ZNF618: variants seen among roughly 807,000 people sequenced by gnomAD.
ZNF618 encodes neural precursor cell expressed, developmentally down-regulated 10.
A neutral mutation model predicts 103.0 loss-of-function variants in ZNF618; 34 were observed. The observed-to-expected ratio is 0.33, with a 90% confidence interval of 0.25 to 0.44. The LOEUF (loss-of-function observed/expected upper bound fraction) is 0.44. ZNF618 is among the 20% of genes least tolerant of loss of function. The pLI is 1.00. For missense variants in ZNF618, 1,059 were observed against 1,295.4 expected (o/e 0.82, Z 2.80); for synonymous variants, 551 against 542.2 (o/e 1.02, Z -0.23).
At chr9:113,951,815 A>G (rs910079505) in intron 1 of ZNF618, among the ~76,000 whole-genome samples, 10 of 151,788 alleles carry the variant, frequency 6.6e-5, no homozygotes, top group African/African-American at 2.4e-4. Context: ...TCCTTTTCTT[A>G]GAAACTGGGT....
At chr9:114,041,936 C>T (rs1237464884) in intron 13 of ZNF618, among the ~76,000 whole-genome samples, 1 of 152,158 alleles carries the variant, frequency 6.6e-6, no homozygotes, top group African/African-American at 2.4e-5. Flanking sequence ...GCCATTTTCA[C>T]AATATTGATT....
chr9:113,909,789 GT>G (rs5900064), intron 1 of ZNF618, among the ~76,000 whole-genome samples: 5,294 of 142,282 alleles, frequency 0.037, 471 homozygotes, highest in East Asian at 0.29. Context: ...TTTTTTGTTT[GT>G]TTTTTTTTTT....
At chr9:113,989,439 A>G (rs10817546) in intron 3 of ZNF618, among the ~76,000 whole-genome samples, 97,593 of 152,114 alleles carry the variant, frequency 0.64, 31,696 homozygotes, top group Middle Eastern at 0.76. Flanking sequence ...CAAACAAAAC[A>G]TGTCTGTGGG....
At chr9:113,991,476 G>A (rs10759673) in intron 3 of ZNF618, among the ~76,000 whole-genome samples, 89,895 of 152,086 alleles carry the variant, frequency 0.59, 27,048 homozygotes, top group Middle Eastern at 0.73. Flanking sequence ...GGCTATCTGA[G>A]TATTCAATGA....
chr9:114,048,032 C>G (rs146111883), intron 14 of ZNF618, 38 bp downstream of exon 14: 2 of 1,511,654 alleles, frequency 1.3e-6, no homozygotes, highest in East Asian at 2.4e-5. Flanking sequence ...TGAGGGTCCC[C>G]TTATGCTCCA....
chr9:113,913,351 C>T (rs546523706), intron 1 of ZNF618, among the ~76,000 whole-genome samples: 7 of 152,340 alleles, frequency 4.6e-5, no homozygotes, highest in East Asian at 1.9e-4. Context: ...TGCGGTTGAC[C>T]GCCTTCTTCT....
intron 13 of ZNF618, among the ~76,000 whole-genome samples, chr9:114,039,356 T>TTTTTTC (rs1564336262): frequency 6.2e-5 from 9 of 144,278 alleles, no homozygotes; most frequent in South Asian, 2.2e-4. Flanking sequence ...TTTTTTTTTT[T>TTTTTTC]TTTCCTTTGA....
At chr9:113,965,323 A>G (rs1837297250) in intron 1 of ZNF618, among the ~76,000 whole-genome samples, 1 of 152,154 alleles carries the variant, frequency 6.6e-6, no homozygotes, top group African/African-American at 2.4e-5. Flanking sequence ...TTGGAATAAT[A>G]TTTTCTTTCC....
At position 113,969,083 on chromosome 9, in the gene ZNF618, T is replaced by C. The variant is rs367594231; in HGVS notation, c.34-34T>C. The C allele has an allele frequency of 2.4e-5, 38 of 1,613,656 alleles. 1 individual carries two copies. The highest frequency in any genetic ancestry group is 3.1e-5 in the Non-Finnish European group (37 of 1,179,752). Reference sequence around the variant, plus strand: ...CAGGTCAAATCTGCATCTTCTGCCTTGGCTGATGTAGGTGTTTTGGGTTTC... The same window carrying C: ...CAGGTCAAATCTGCATCTTCTGCCTCGGCTGATGTAGGTGTTTTGGGTTTC... On this transcript the variant is annotated intron_variant, in intron 1 of 14. Transcript: ENST00000374126.
At chr9:113,891,825 A>T (rs763995241) in intron 1 of ZNF618, among the ~76,000 whole-genome samples, 3 of 152,224 alleles carry the variant, frequency 2.0e-5, no homozygotes, top group Non-Finnish European at 4.4e-5. Flanking sequence ...AATGGTTAAG[A>T]TGGTAAGAGA....
intron 3 of ZNF618, among the ~76,000 whole-genome samples, chr9:113,991,664 T>G (rs1447519961): frequency 6.6e-6 from 1 of 152,212 alleles, no homozygotes; most frequent in Non-Finnish European, 1.5e-5. Context: ...GGATGGGGAA[T>G]AAAGTCGGTG....
intron 1 of ZNF618, among the ~76,000 whole-genome samples, chr9:113,944,090 C>T (rs183722810): frequency 5.7e-4 from 87 of 152,280 alleles, no homozygotes; most frequent in African/African-American, 1.8e-3. Flanking sequence ...TCGCCCTGCA[C>T]GGTTTGATCC....
chr9:113,921,424 A>C (rs1239872252), intron 1 of ZNF618, among the ~76,000 whole-genome samples: 2 of 152,230 alleles, frequency 1.3e-5, no homozygotes, highest in African/African-American at 4.8e-5. Context: ...TTCAGAGTTG[A>C]TTTAGCCATC....
intron 4 of ZNF618, 139 bp downstream of exon 4, chr9:113,998,493 C>G: frequency 1.4e-6 from 1 of 727,482 alleles, no homozygotes; most frequent in East Asian, 2.7e-5. Flanking sequence ...CCTTCTTCAT[C>G]CCCTGTCCTG....
At chr9:113,974,165 G>T (rs1264084731) in intron 2 of ZNF618, among the ~76,000 whole-genome samples, 1 of 152,212 alleles carries the variant, frequency 6.6e-6, no homozygotes, top group Non-Finnish European at 1.5e-5. Context: ...CAAGTGTTGG[G>T]GGTGGGGAAA....
chr9:113,965,953 G>A (rs963239219), intron 1 of ZNF618, among the ~76,000 whole-genome samples: 1 of 152,246 alleles, frequency 6.6e-6, no homozygotes, highest in South Asian at 2.1e-4. Flanking sequence ...ATGAGATGCC[G>A]ACTTGCAGCT....
At chr9:113,929,040 A>G (rs1418466620) in intron 1 of ZNF618, among the ~76,000 whole-genome samples, 1 of 152,118 alleles carries the variant, frequency 6.6e-6, no homozygotes, top group Non-Finnish European at 1.5e-5. Flanking sequence ...CAGAATGATC[A>G]CTTTTCCCCT....
intron 1 of ZNF618, among the ~76,000 whole-genome samples, chr9:113,928,768 G>T (rs1419979712): frequency 6.6e-6 from 1 of 152,098 alleles, no homozygotes; most frequent in African/African-American, 2.4e-5. Context: ...TTTTGATGTG[G>T]TTAAGTATTA....
At chr9:114,045,917 T>C (rs575092876) in intron 13 of ZNF618, among the ~76,000 whole-genome samples, 36 of 152,136 alleles carry the variant, frequency 2.4e-4, no homozygotes, top group African/African-American at 8.7e-4. Flanking sequence ...CTTTCAACAG[T>C]GTTTTTAGTT....
Sources: gnomAD v4.1 joint callset for allele counts (sites outside exome capture counted in the v4.1 genomes callset) on GRCh38, gnomAD v4.1.1 for gene constraint, MANE v1.5 for transcripts, NCBI Gene and HGNC (gene_info 2026-07-23, HGNC 2026-07-21) for gene names.